The following NPAS2 variants were observed in gnomAD, a reference collection of about 807,000 sequenced individuals.
NPAS2 encodes neuronal PAS domain-containing protein 2.
NPAS2 carries 23 observed loss-of-function variants against 107.5 expected under a neutral mutation model. The ratio of observed to expected loss-of-function variants is 0.21; its 90% CI spans 0.15 to 0.30. The LOEUF is 0.30. Ranked by LOEUF, NPAS2 falls within the 10% of genes least tolerant of loss-of-function variation. NPAS2 has a pLI of 1.00. For missense variants in NPAS2, 756 were observed against 1,043.3 expected (o/e 0.72, Z 3.79); for synonymous variants, 403 against 417.5 (o/e 0.97, Z 0.42).
At chr2:100,843,756 G>C (rs1042864754) in intron 1 of NPAS2, among the ~76,000 whole-genome samples, 7 of 151,954 alleles carry the variant, frequency 4.6e-5, no homozygotes, top group Non-Finnish European at 8.8e-5. Context: ...AGATCTAAAG[G>C]ATCTCTTTAT....
At chr2:100,878,426 A>G (rs1019498009) in intron 1 of NPAS2, 8 of 985,336 alleles carry the variant, frequency 8.1e-6, no homozygotes, top group South Asian at 4.7e-5. Flanking sequence ...AGCGTTGGAC[A>G]AGGACATGAG....
Position 100,847,525 on chromosome 2 carries a change from G to A in NPAS2, c.-23+27111G>A, listed in dbSNP as rs193115102. Among the ~76,000 whole-genome samples, 756 of 151,420 alleles carry A rather than the reference G, an allele frequency of 5.0e-3. 11 individuals carry two copies. The highest frequency in any genetic ancestry group is 0.014 in the South Asian group (66 of 4,638). On this transcript the variant is annotated intron_variant, in intron 1 of 20. Transcript: ENST00000335681. Reference sequence around the variant, plus strand: ...GCTGGGACTATAGGCACCCACCACCGCGCCTGGCTAATTTTTTTGTATTTT... The same window carrying A: ...GCTGGGACTATAGGCACCCACCACCACGCCTGGCTAATTTTTTTGTATTTT...
chr2:100,886,483 G>GT (rs1312990445), intron 1 of NPAS2, among the ~76,000 whole-genome samples: 1 of 152,122 alleles, frequency 6.6e-6, no homozygotes, highest in African/African-American at 2.4e-5. Context: ...CTTTGGAGTT[G>GT]TTTTTTTGCA....
At chr2:100,831,698 T>G (rs1676748130) in intron 1 of NPAS2, among the ~76,000 whole-genome samples, 1 of 152,148 alleles carries the variant, frequency 6.6e-6, no homozygotes, top group Admixed American at 6.5e-5. Flanking sequence ...ACAACCAATT[T>G]GCATGGCAAT....
intron 3 of NPAS2, among the ~76,000 whole-genome samples, chr2:100,928,834 T>C (rs1222266799): frequency 1.3e-5 from 2 of 152,338 alleles, no homozygotes; most frequent in Non-Finnish European, 2.9e-5. Context: ...TGTTCAGGGC[T>C]TGCTATGAGC....
chr2:100,929,173 G>A (rs1683779488), intron 3 of NPAS2, among the ~76,000 whole-genome samples: 1 of 152,160 alleles, frequency 6.6e-6, no homozygotes, highest in Non-Finnish European at 1.5e-5. Context: ...CCAAAGTGCT[G>A]GGATCACAGA....
chr2:100,840,808 A>G (rs1010837586), intron 1 of NPAS2, among the ~76,000 whole-genome samples: 1 of 152,016 alleles, frequency 6.6e-6, no homozygotes, highest in African/African-American at 2.4e-5. Context: ...GCAAGGGGCA[A>G]ACAGCAGTTT....
intron 1 of NPAS2, among the ~76,000 whole-genome samples, chr2:100,840,745 G>A (rs920105637): frequency 4.6e-5 from 7 of 152,026 alleles, no homozygotes; most frequent in Non-Finnish European, 1.0e-4. Context: ...GGTGGGGCAG[G>A]GAACATTGAG....
chr2:100,916,217 T>C (rs926431959), intron 2 of NPAS2, among the ~76,000 whole-genome samples: 1 of 152,086 alleles, frequency 6.6e-6, no homozygotes, highest in African/African-American at 2.4e-5. Flanking sequence ...ACAGAAAGCA[T>C]GTTAAAATAG....
At chr2:100,880,619 G>C (rs1680272188) in intron 1 of NPAS2, among the ~76,000 whole-genome samples, 1 of 152,274 alleles carries the variant, frequency 6.6e-6, no homozygotes, top group East Asian at 1.9e-4. Context: ...TGAGAGCATA[G>C]CTCAGTGGGT....
chr2:100,916,311 AT>A (rs1184805718), intron 2 of NPAS2, among the ~76,000 whole-genome samples: 1 of 152,160 alleles, frequency 6.6e-6, no homozygotes, highest in Non-Finnish European at 1.5e-5. Flanking sequence ...TGTTCCAATG[AT>A]TTTTTTCAGT....
At chr2:100,910,480 C>T (rs923194308) in intron 2 of NPAS2, among the ~76,000 whole-genome samples, 3 of 151,758 alleles carry the variant, frequency 2.0e-5, no homozygotes, top group Non-Finnish European at 2.9e-5. Flanking sequence ...TCAGCCCTTC[C>T]TGCTGGGGCA....
chr2:100,989,543 G>C (rs1286726993), intron 17 of NPAS2: 1 of 152,230 alleles, frequency 6.6e-6, no homozygotes, highest in African/African-American at 2.4e-5. Flanking sequence ...AAGAATGAGA[G>C]CACTGTGTTA....
intron 1 of NPAS2, among the ~76,000 whole-genome samples, chr2:100,898,525 A>G (rs1573573268): frequency 6.6e-6 from 1 of 152,230 alleles, no homozygotes; most frequent in South Asian, 2.1e-4. Context: ...TGGTACCGGC[A>G]TAACAATAGA....
chr2:100,982,322 A>G lies in NPAS2; in HGVS notation c.1574A>G (p.Glu525Gly). ...ILQANIRWQQ[E>G]ELHKIQEQLC... ...CAGGCCAATATCCGGTGGCAACAGG[A>G]AGAGCTCCACAAGATCCAGGAGCAG... The change falls in exon 16 of 21, where the codon GAA becomes GGA. Residue 525 changes from glutamate (E) to glycine (G), a missense_variant. Glu to Gly is a moderately conservative substitution (Grantham distance 98). Coordinates refer to ENST00000335681, the MANE Select transcript of NPAS2 (RefSeq NM_002518.4). 6.2e-7 allele frequency: 1 copy of G among 1,614,194 alleles called. No individual in the cohort carries two copies. Among genetic ancestry groups the G allele is most frequent in the Non-Finnish European group, 8.5e-7 (1 of 1,180,026 alleles).
At position 100,968,540 on chromosome 2, in the gene NPAS2, C is replaced by A; in HGVS notation, c.1055+112C>A. 1 of 1,054,036 alleles carries A rather than the reference C, an allele frequency of 9.5e-7. No homozygotes were observed. The highest frequency in any genetic ancestry group is 1.4e-6 in the Non-Finnish European group (1 of 729,798). The allele number at this position is 1,054,036 out of a possible 1,614,324, so 65.3% of individuals were successfully genotyped here. On this transcript the variant is annotated intron_variant, in intron 11 of 20. Transcript: ENST00000335681. The surrounding 1 kb of genome is among the most constrained non-coding windows in gnomAD (Gnocchi z 5.3). ...AGATCAGCAGTCACTCAGGTGTTCCCCATTTCGAAGATGAAGCCCAGGCCA... is the reference window on the plus strand; with the variant it reads ...AGATCAGCAGTCACTCAGGTGTTCCACATTTCGAAGATGAAGCCCAGGCCA...
In NPAS2 at chr2:100,952,571, A is replaced by C. The variant is rs372042917; in HGVS notation, c.598+3091A>C. On this transcript the variant is annotated intron_variant, in intron 7 of 20. Transcript: ENST00000335681. ...AAGAGCAAAACTCTGTCTCAAAAAA[A>C]AAACAAAAAAACAACAACAAAAAAC... is the stretch of plus-strand genomic sequence containing the variant. 5.3e-4 allele frequency among the ~76,000 whole-genome samples: 80 copies of C among 151,984 alleles called. 1 individual carries two copies. The East Asian group carries it at 5.8e-3, about 11-fold the overall frequency.
At position 100,993,484 on chromosome 2, in the gene NPAS2, A is replaced by G. The variant is rs1414227987; in HGVS notation, c.2249A>G (p.Gln750Arg). The stretch of plus-strand genomic sequence containing the variant: ...CCTGCCTCCCAACCATCGCCCCTGC[A>G]GCCTGCACAGGCCCGGCAGCAGCCA... ...SFPASQPSPL[Q>R]PAQARQQPPQ... Residue 750 changes from glutamine to arginine, a missense_variant, in exon 20 of 21, where the codon CAG (glutamine) becomes CGG (arginine). Gln to Arg is a conservative substitution (Grantham distance 43). Transcript: ENST00000335681. The G allele has an allele frequency of 6.2e-7, 1 of 1,606,320 alleles. No homozygotes were observed. Among genetic ancestry groups the G allele is most frequent in the East Asian group, 2.3e-5 (1 of 44,442 alleles).
At position 100,828,502 on chromosome 2, in the gene NPAS2, C is replaced by T. The variant is rs183625782; in HGVS notation, c.-23+8088C>T. ...AGTGTCCAGACTGATGTTTCCTAGG[C>T]TTTTCTCTAGGATTCTTATGATTGA... On this transcript the variant is annotated intron_variant, in intron 1 of 20. Coordinates refer to ENST00000335681, the MANE Select transcript of NPAS2 (RefSeq NM_002518.4). 1.2e-4 allele frequency among the ~76,000 whole-genome samples: 18 copies of T among 152,192 alleles called. No individual in the cohort carries two copies. In the East Asian group the frequency reaches 3.3e-3, roughly 28 times the overall value.
Sources: allele counts gnomAD v4.1 joint callset (sites outside exome capture counted in the v4.1 genomes callset), GRCh38; gene constraint gnomAD v4.1.1; non-coding constraint Gnocchi (gnomAD v3.1); transcripts MANE v1.5; gene names NCBI Gene and HGNC (gene_info 2026-07-23, HGNC 2026-07-21).